The following FIP1L1 variants were observed in gnomAD, a reference collection of about 807,000 sequenced individuals.
FIP1L1 encodes pre-mRNA 3'-end-processing factor FIP1.
FIP1L1 carries 21 observed loss-of-function variants against 84.6 expected under a neutral mutation model. The observed-to-expected ratio is 0.25, with a 90% CI of 0.18 to 0.36. The LOEUF (loss-of-function observed/expected upper bound fraction) is 0.36, where lower values mean the gene tolerates loss of function less well. FIP1L1 is among the 10% of genes least tolerant of loss of function. FIP1L1 has a pLI of 1.00. For synonymous variants in FIP1L1, 263 were observed against 242.3 expected (o/e 1.09, Z -0.80); for missense variants, 526 against 751.1 (o/e 0.70, Z 3.50).
chr4:53,401,291 T>A (rs566818179), intron 10 of FIP1L1, among the ~76,000 whole-genome samples: 1 of 152,340 alleles, frequency 6.6e-6, no homozygotes, highest in African/African-American at 2.4e-5. Context: ...TTGGGCCAGA[T>A]TATGTAAGGG....
At chr4:53,438,149 A>G (rs1360817703) in intron 13 of FIP1L1, among the ~76,000 whole-genome samples, 1 of 152,184 alleles carries the variant, frequency 6.6e-6, no homozygotes, top group East Asian at 1.9e-4. Flanking sequence ...TTTCCAGGAA[A>G]ATCAACATTT....
Position 53,458,743 on chromosome 4 carries a change from A to C in FIP1L1, c.1590A>C (p.Glu530Asp). ...GAGAAAAAGAAGAACGACATAGAGA[A>C]AGACGACACAGGGAGAAAGAGGAAA... ...ASREKEERHR[E>D]RRHREKEETR... The change falls in exon 17 of 18, where the codon GAA becomes GAC. Residue 530 changes from glutamate to aspartate, a missense_variant. This residue lies in a region of FIP1L1 where 89 missense variants were observed against 169.0 expected (regional missense o/e 0.53). Coordinates refer to ENST00000337488, the MANE Select transcript of FIP1L1 (RefSeq NM_030917.4). The C allele has an allele frequency of 6.2e-7, 1 of 1,613,168 alleles. No homozygotes were observed.
intron 11 of FIP1L1, among the ~76,000 whole-genome samples, chr4:53,417,746 C>CA (rs1410630632): frequency 3.2e-4 from 11 of 34,498 alleles, no homozygotes; most frequent in Non-Finnish European, 6.3e-4. Context: ...TAAACACACA[C>CA]ACACACACAC....
intron 13 of FIP1L1, among the ~76,000 whole-genome samples, chr4:53,436,096 AT>A (rs1243982920): frequency 1.3e-5 from 2 of 151,994 alleles, no homozygotes; most frequent in South Asian, 2.1e-4. Context: ...ATATTCTGCC[AT>A]TTTTTTTCTT....
chr4:53,440,651 T>A, intron 13 of FIP1L1: 1 of 1,374,218 alleles, frequency 7.3e-7, no homozygotes, highest in Non-Finnish European at 1.0e-6. Context: ...TTAATAAACA[T>A]GAAATTTCAA....
intron 13 of FIP1L1, among the ~76,000 whole-genome samples, chr4:53,432,157 A>AGGCTGAGGCAGGAAGATC: frequency 6.6e-6 from 1 of 152,254 alleles, no homozygotes; most frequent in East Asian, 1.9e-4. Flanking sequence ...GCATTTTGGG[A>AGGCTGAGGCAGGAAGATC]GGCTGAGGCA....
chr4:53,437,757 G>A (rs372861796), intron 13 of FIP1L1, among the ~76,000 whole-genome samples: 3 of 151,564 alleles, frequency 2.0e-5, no homozygotes, highest in Non-Finnish European at 2.9e-5. Context: ...ATGGAGTCTC[G>A]CTCTGTTGCC....
In FIP1L1 at chr4:53,377,654, C is replaced by T; in HGVS notation, c.-185C>T. The T allele has an allele frequency of 2.0e-6, 1 of 499,388 alleles. No individual in the cohort carries two copies. Among genetic ancestry groups the T allele is most frequent in the South Asian group, 3.8e-5 (1 of 26,450 alleles). The allele number at this position is 499,388 out of a possible 1,614,324, so 30.9% of individuals were successfully genotyped here. On this transcript the variant is annotated 5_prime_UTR_variant, in exon 1 of 18. In the 5' UTR this introduces an upstream ATG that the reference lacks. Coordinates refer to ENST00000337488, the MANE Select transcript of FIP1L1 (RefSeq NM_030917.4). ...CTTGGGTCTCCTGCGCATGCGCAGA[C>T]GGACCTGCGCTGGAGGCTTCATCTT...
chr4:53,379,024 T>C, intron 1 of FIP1L1, 49 bp from the exon 2 acceptor site: 1 of 1,567,532 alleles, frequency 6.4e-7, no homozygotes, highest in South Asian at 1.2e-5. Flanking sequence ...ATAAAATAAG[T>C]ATCTTGTTAA....
rs115658890 is a variant in FIP1L1 at position 53,423,549 on chromosome 4, C to T, written c.924-2323C>T. Among the ~76,000 whole-genome samples the T allele has an allele frequency of 9.4e-3, 1,435 of 152,208 alleles. 21 individuals are homozygous for T. The highest frequency in any genetic ancestry group is 0.033 in the African/African-American group (1,370 of 41,528). Reference sequence around the variant, plus strand: ...AATATTAGATTTTTAAATTATTTGTCAGTGTTAGATATTATGTGCTTTTTG... The same window carrying T: ...AATATTAGATTTTTAAATTATTTGTTAGTGTTAGATATTATGTGCTTTTTG... On this transcript the variant is annotated intron_variant, in intron 11 of 17. Transcript: ENST00000337488.
intron 13 of FIP1L1, among the ~76,000 whole-genome samples, chr4:53,439,020 A>C (rs1770739188): frequency 6.6e-6 from 1 of 152,160 alleles, no homozygotes; most frequent in East Asian, 1.9e-4. Flanking sequence ...TATCTTATAA[A>C]TCTACGAAAA....
intron 16 of FIP1L1, among the ~76,000 whole-genome samples, chr4:53,456,036 A>G (rs906730749): frequency 2.0e-5 from 3 of 152,260 alleles, no homozygotes; most frequent in South Asian, 4.1e-4. Context: ...ACTTTAGCCA[A>G]TTAAGTGCAT....
intron 5 of FIP1L1, among the ~76,000 whole-genome samples, chr4:53,385,167 T>C (rs1430530162): frequency 6.6e-6 from 1 of 152,196 alleles, no homozygotes; most frequent in African/African-American, 2.4e-5. Context: ...GGGCTTATAC[T>C]GTAGTACTAG....
intron 3 of FIP1L1, among the ~76,000 whole-genome samples, chr4:53,381,768 T>TTTTTTTTTTTTTTTTG (rs1738162067): frequency 9.4e-6 from 1 of 105,980 alleles, no homozygotes; most frequent in African/African-American, 3.1e-5. Context: ...TTTTTTTTTT[T>TTTTTTTTTTTTTTTTG]TTTTTTTTTG....
intron 11 of FIP1L1, among the ~76,000 whole-genome samples, chr4:53,417,763 ACT>A (rs58568620): frequency 2.5e-3 from 262 of 105,106 alleles, no homozygotes; most frequent in African/African-American, 6.6e-3. Flanking sequence ...ACACACACAC[ACT>A]CTCTCTCTCT....
chr4:53,455,204 A>G (rs187737933), intron 16 of FIP1L1, among the ~76,000 whole-genome samples: 73 of 152,308 alleles, frequency 4.8e-4, no homozygotes, highest in African/African-American at 1.6e-3. Context: ...CATATCAGCA[A>G]TAATGCTGTT....
At chr4:53,422,640 A>G (rs1228970194) in intron 11 of FIP1L1, among the ~76,000 whole-genome samples, 1 of 152,004 alleles carries the variant, frequency 6.6e-6, no homozygotes, top group Non-Finnish European at 1.5e-5. Context: ...AATGCACATT[A>G]AAGACATTTG....
intron 9 of FIP1L1, among the ~76,000 whole-genome samples, chr4:53,391,911 A>T (rs1744461087): frequency 6.6e-6 from 1 of 152,206 alleles, no homozygotes; most frequent in Non-Finnish European, 1.5e-5. Flanking sequence ...GACACTTATA[A>T]CACTGATATC....
At chr4:53,411,043 T>G (rs1405399749) in intron 10 of FIP1L1, among the ~76,000 whole-genome samples, 1 of 152,184 alleles carries the variant, frequency 6.6e-6, no homozygotes, top group Non-Finnish European at 1.5e-5. Context: ...GACAGTCTTG[T>G]CGCTGCTTTT....
Sources: allele counts gnomAD v4.1 joint callset (sites outside exome capture counted in the v4.1 genomes callset), GRCh38; gene constraint gnomAD v4.1.1; regional missense constraint gnomAD v4.1.1; transcripts MANE v1.5; gene names NCBI Gene and HGNC (gene_info 2026-07-23, HGNC 2026-07-21).